The following CHRM3 variants were observed in gnomAD, a reference collection of about 807,000 sequenced individuals.
CHRM3 encodes cholinergic receptor muscarinic 3.
Under a neutral mutation model 41.8 loss-of-function variants are expected in CHRM3, and 11 were observed. The observed-to-expected ratio is 0.26, with a 90% confidence interval of 0.17 to 0.44. The LOEUF (loss-of-function observed/expected upper bound fraction) is 0.44. CHRM3 is among the 20% of genes least tolerant of loss of function. The pLI, the probability that CHRM3 is intolerant of heterozygous loss-of-function variation, is 1.00. For synonymous variants in CHRM3, 297 were observed against 301.4 expected (o/e 0.99, Z 0.15); for missense variants, 571 against 745.4 (o/e 0.77, Z 2.72).
chr1:239,562,144 G>A (rs1052982807), intron 3 of CHRM3, among the ~76,000 whole-genome samples: 14 of 152,086 alleles, frequency 9.2e-5, no homozygotes, highest in African/African-American at 2.2e-4. Flanking sequence ...CATCTTTCTC[G>A]ACAGCAACCA....
At chr1:239,439,891 T>C (rs1663570800) in intron 1 of CHRM3, among the ~76,000 whole-genome samples, 1 of 152,022 alleles carries the variant, frequency 6.6e-6, no homozygotes, top group African/African-American at 2.4e-5. Flanking sequence ...ATGGTCGATA[T>C]CAGGAAGTGT....
At chr1:239,550,698 A>C (rs1413368409) in intron 3 of CHRM3, among the ~76,000 whole-genome samples, 1 of 152,216 alleles carries the variant, frequency 6.6e-6, no homozygotes, top group East Asian at 1.9e-4. Context: ...AAAAGATAAC[A>C]GGAGTTTTGA....
intron 1 of CHRM3, among the ~76,000 whole-genome samples, chr1:239,452,773 G>A (rs1189607139): frequency 6.6e-6 from 1 of 151,942 alleles, no homozygotes; most frequent in Non-Finnish European, 1.5e-5. Context: ...CTGTATTTAG[G>A]CTTGCTTCTT....
intron 5 of CHRM3, among the ~76,000 whole-genome samples, chr1:239,808,899 T>C (rs888983009): frequency 3.9e-5 from 6 of 152,170 alleles, no homozygotes; most frequent in African/African-American, 1.4e-4. Context: ...ACTTGTAAAG[T>C]CTTGTCAAGT....
chr1:239,603,308 T>C (rs1238652657), intron 3 of CHRM3, among the ~76,000 whole-genome samples: 1 of 152,190 alleles, frequency 6.6e-6, no homozygotes, highest in Non-Finnish European at 1.5e-5. Flanking sequence ...GTTAGCTTTT[T>C]GGAATAGGTA....
At chr1:239,895,327 G>T (rs1678903347) in intron 6 of CHRM3, among the ~76,000 whole-genome samples, 1 of 152,120 alleles carries the variant, frequency 6.6e-6, no homozygotes, top group African/African-American at 2.4e-5. Flanking sequence ...TTGTTTCTCA[G>T]CCCTCCTTCC....
chr1:239,497,384 C>T (rs77612043), intron 2 of CHRM3, among the ~76,000 whole-genome samples: 1,953 of 152,250 alleles, frequency 0.013, 22 homozygotes, highest in Non-Finnish European at 0.021. Flanking sequence ...TTGGGGGTCA[C>T]TGAGCCCCAT....
chr1:239,683,010 G>A (rs1658717983), intron 5 of CHRM3, among the ~76,000 whole-genome samples: 1 of 151,990 alleles, frequency 6.6e-6, no homozygotes, highest in African/African-American at 2.4e-5. Context: ...CTCTCTTCTA[G>A]CTACTTTGAA....
At chr1:239,674,666 C>T (rs911171402) in intron 4 of CHRM3, among the ~76,000 whole-genome samples, 10 of 146,884 alleles carry the variant, frequency 6.8e-5, no homozygotes, top group Admixed American at 4.2e-4. Context: ...GCCAAGATTG[C>T]GCCACTGCAC....
In CHRM3 at chr1:239,908,503, C is replaced by G. The variant is rs1324976681; in HGVS notation, c.1052C>G (p.Ser351Cys). Residue 351 changes from serine to cysteine, a missense_variant, in exon 7 of 7, where the codon TCC (serine) becomes TGC (cysteine). By Grantham distance (112) the Ser-to-Cys change is moderately radical. This residue lies in a region of CHRM3 where 239 missense variants were observed against 239.6 expected (regional missense o/e 1.00). Coordinates refer to ENST00000676153, the MANE Select transcript of CHRM3 (RefSeq NM_001375978.1). The surrounding 1 kb of genome is among the most constrained non-coding windows in gnomAD (Gnocchi z 7.2). ...DAAASLENSA[S>C]SDEEDIGSET... ...GCTGCCTCCCTGGAGAACTCCGCCT[C>G]CTCCGACGAGGAGGACATTGGCTCC... 6.2e-7 allele frequency: 1 copy of G among 1,602,282 alleles called. No homozygotes were observed. The highest frequency in any genetic ancestry group is 8.5e-7 in the Non-Finnish European group (1 of 1,174,210).
chr1:239,533,750 AC>A (rs35525844), intron 2 of CHRM3, among the ~76,000 whole-genome samples: 16,201 of 73,792 alleles, frequency 0.22, 1,950 homozygotes, highest in Non-Finnish European at 0.31. Context: ...AAAAAAAAAA[AC>A]AAAAAAACCC....
intron 1 of CHRM3, among the ~76,000 whole-genome samples, chr1:239,428,769 T>C (rs1439252788): frequency 6.6e-6 from 1 of 152,240 alleles, no homozygotes; most frequent in Non-Finnish European, 1.5e-5. Context: ...ACTCTATTTA[T>C]CACATTGATA....
chr1:239,815,427 A>G (rs1195448577), intron 5 of CHRM3, among the ~76,000 whole-genome samples: 2 of 152,154 alleles, frequency 1.3e-5, no homozygotes, highest in African/African-American at 2.4e-5. Context: ...CTTGTCCAAA[A>G]CTTTTAAAGT....
intron 4 of CHRM3, among the ~76,000 whole-genome samples, chr1:239,665,864 T>C (rs964292582): frequency 2.6e-5 from 4 of 152,212 alleles, no homozygotes; most frequent in Non-Finnish European, 5.9e-5. Context: ...TTTTTATGGT[T>C]GCATAGTATT....
At chr1:239,900,437 C>T (rs535593861) in intron 6 of CHRM3, among the ~76,000 whole-genome samples, 7 of 140,858 alleles carry the variant, frequency 5.0e-5, no homozygotes, top group African/African-American at 1.9e-4. Flanking sequence ...CTGTTGTCAT[C>T]CTGGGTACCG....
At chr1:239,424,667 GA>G (rs1171704387) in intron 1 of CHRM3, among the ~76,000 whole-genome samples, 1 of 152,160 alleles carries the variant, frequency 6.6e-6, no homozygotes, top group African/African-American at 2.4e-5. Flanking sequence ...GGTCACAGAA[GA>G]CAGAATATAT....
intron 3 of CHRM3, among the ~76,000 whole-genome samples, chr1:239,565,706 C>A (rs1451615432): frequency 1.3e-5 from 2 of 151,904 alleles, no homozygotes; most frequent in Non-Finnish European, 2.9e-5. Context: ...ATGAATAATT[C>A]TCTTTGTTTT....
intron 1 of CHRM3, among the ~76,000 whole-genome samples, chr1:239,433,368 A>G (rs1349201891): frequency 6.6e-6 from 1 of 152,214 alleles, no homozygotes; most frequent in East Asian, 1.9e-4. Flanking sequence ...TAATTCAGCC[A>G]TGCCACGACT....
At chr1:239,729,338 G>GA (rs911455508) in intron 5 of CHRM3, among the ~76,000 whole-genome samples, 1 of 151,616 alleles carries the variant, frequency 6.6e-6, no homozygotes, top group African/African-American at 2.4e-5. Flanking sequence ...GTGATGAAGG[G>GA]AAAAAAAATC....
Sources: allele counts gnomAD v4.1 joint callset (sites outside exome capture counted in the v4.1 genomes callset), GRCh38; gene constraint gnomAD v4.1.1; regional missense constraint gnomAD v4.1.1; non-coding constraint Gnocchi (gnomAD v3.1); transcripts MANE v1.5; gene names NCBI Gene and HGNC (gene_info 2026-07-23, HGNC 2026-07-21).